Variants in HIPK3 observed in about 807,000 individuals in gnomAD.
The protein encoded by HIPK3 is homeodomain-interacting protein kinase 3.
In HIPK3, 47 loss-of-function variants were observed where a neutral mutation model predicts 124.2. The ratio of observed to expected loss-of-function variants is 0.38; its 90% CI spans 0.30 to 0.48. The LOEUF (loss-of-function observed/expected upper bound fraction) is 0.48, where lower values mean the gene tolerates loss of function less well. Ranked by LOEUF, HIPK3 falls within the 20% of genes least tolerant of loss-of-function variation. The pLI is 0.98. For synonymous variants in HIPK3, 482 were observed against 515.2 expected (o/e 0.94, Z 0.87); for missense variants, 1,286 against 1,454.3 (o/e 0.88, Z 1.88).
chr11:33,292,191 G>A (rs914725490), intron 2 of HIPK3, among the ~76,000 whole-genome samples: 3 of 152,120 alleles, frequency 2.0e-5, no homozygotes, highest in African/African-American at 7.2e-5. Context: ...AGACTGGGTG[G>A]CATTATTCTT....
At position 33,257,408 on chromosome 11, in the gene HIPK3, C is replaced by T. The variant is rs1211418748; in HGVS notation, c.-484C>T. The T allele has an allele frequency of 2.0e-6, 2 of 985,014 alleles. No individual in the cohort carries two copies. Among genetic ancestry groups the T allele is most frequent in the African/African-American group, 1.7e-5 (1 of 57,210 alleles). 61.0% of individuals were successfully genotyped at this position (985,014 alleles called of 1,614,324 possible). ...TGGCAGCTGCCTCAGTGACGACTGC[C>T]GGCATCGCGGCGACCTGAGGAGATC... On this transcript the variant is annotated 5_prime_UTR_variant, in exon 1 of 17. Transcript: ENST00000303296.
chr11:33,286,944 C>T lies in HIPK3; in HGVS notation c.530C>T (p.Thr177Ile), dbSNP rs1242841070. Residue 177 changes from threonine to isoleucine, a missense_variant, in exon 2 of 17, where the codon ACT (threonine) becomes ATT (isoleucine). By Grantham distance (89) the Thr-to-Ile change is moderately conservative (BLOSUM62 -1). Transcript: ENST00000303296. ...ACAGGATCAAAACAGAATTGTACCA[C>T]TGGAGAAGGTGACTATCAGTTAGTA... ...ATTGSKQNCT[T>I]GEGDYQLVQH... 5 of 1,614,196 alleles carry T rather than the reference C, an allele frequency of 3.1e-6. No individual in the cohort carries two copies. Among genetic ancestry groups the T allele is most frequent in the Non-Finnish European group, 4.2e-6 (5 of 1,180,012 alleles).
At chr11:33,260,355 A>G (rs997653718) in intron 1 of HIPK3, among the ~76,000 whole-genome samples, 13 of 152,188 alleles carry the variant, frequency 8.5e-5, no homozygotes, top group African/African-American at 3.1e-4. Context: ...TTTGTTTTTA[A>G]TATTTGATGC....
intron 2 of HIPK3, among the ~76,000 whole-genome samples, chr11:33,325,261 A>T (rs533912907): frequency 6.6e-6 from 1 of 152,332 alleles, no homozygotes; most frequent in Admixed American, 6.5e-5. Context: ...AGTCTCTTTA[A>T]GTGGTATATC....
At position 33,340,985 on chromosome 11, in the gene HIPK3, A is replaced by G; in HGVS notation, c.1631A>G (p.His544Arg). 5.6e-6 allele frequency: 9 copies of G among 1,595,190 alleles called. No homozygotes were observed. The highest frequency in any genetic ancestry group is 7.7e-6 in the Non-Finnish European group (9 of 1,165,234). ...TTTTACAGTGTAAAGTCCTGTTTTC[A>G]TATTATGGATATTTGTAAGTCCCAC... ...PHSNHVKSCF[H>R]IMDICKSHLN... Residue 544 changes from histidine to arginine, a missense_variant, in exon 7 of 17, where the codon CAT becomes CGT. Transcript: ENST00000303296.
chr11:33,304,414 G>T (rs549912203), intron 2 of HIPK3, among the ~76,000 whole-genome samples: 1 of 152,190 alleles, frequency 6.6e-6, no homozygotes, highest in African/African-American at 2.4e-5. Context: ...AAAATTAGCT[G>T]GGCTTGGTGG....
chr11:33,303,597 A>T (rs913506065), intron 2 of HIPK3, among the ~76,000 whole-genome samples: 20 of 152,204 alleles, frequency 1.3e-4, no homozygotes, highest in African/African-American at 4.8e-4. Flanking sequence ...ATGTAATGGT[A>T]TCATGGATTA....
chr11:33,308,987 TAAAA>T (rs2133939374), intron 2 of HIPK3, among the ~76,000 whole-genome samples: 1 of 151,986 alleles, frequency 6.6e-6, no homozygotes, highest in South Asian at 2.1e-4. Context: ...AATAATAAAA[TAAAA>T]AGGATGGATT....
chr11:33,312,619 CAG>C (rs1286419343), intron 2 of HIPK3, among the ~76,000 whole-genome samples: 1 of 152,138 alleles, frequency 6.6e-6, no homozygotes, highest in African/African-American at 2.4e-5. Flanking sequence ...GTCTTCTTAA[CAG>C]AGTTGATAAG....
At chr11:33,285,920 C>T (rs1288713096) in intron 1 of HIPK3, among the ~76,000 whole-genome samples, 1 of 152,032 alleles carries the variant, frequency 6.6e-6, no homozygotes, top group Non-Finnish European at 1.5e-5. Context: ...CACAGGCATG[C>T]ACCACCATCC....
chr11:33,276,229 C>CTT (rs144603146), intron 1 of HIPK3, among the ~76,000 whole-genome samples: 2,837 of 152,224 alleles, frequency 0.019, 64 homozygotes, highest in African/African-American at 0.063. Flanking sequence ...CCCTTTAACT[C>CTT]TAACTAATTG....
In HIPK3 at chr11:33,286,613, C is replaced by T. The variant is rs529358219; in HGVS notation, c.199C>T (p.Pro67Ser). The T allele has an allele frequency of 3.7e-6, 6 of 1,614,036 alleles. No homozygotes were observed. The Admixed American group carries it at 8.3e-5, about 22-fold the overall frequency. ...GGGTAGTGCTTTTCAGACAAAGATA[C>T]CATTTAATAGACCTCGAGGACACAA... ...TKGSAFQTKI[P>S]FNRPRGHNFS... is the part of the protein sequence containing the mutation. The change falls in exon 2 of 17, where the codon CCA (proline) becomes TCA (serine). Residue 67 changes from proline to serine, a missense_variant. Coordinates refer to ENST00000303296, the MANE Select transcript of HIPK3 (RefSeq NM_005734.5).
Position 33,268,429 on chromosome 11 carries a change from A to AT in HIPK3, c.-3+10541dup, listed in dbSNP as rs1450528871. Among the ~76,000 whole-genome samples the AT allele has an allele frequency of 2.0e-5, 3 of 151,720 alleles. No homozygotes were observed. In the East Asian group the frequency reaches 5.8e-4, roughly 29 times the overall value. On this transcript the variant is annotated intron_variant, in intron 1 of 16. Transcript: ENST00000303296. ...GGGTATATAGTGAGACTCCATCTCT[A>AT]TAAAAAATACAATTACCTGAGTGAG... is the stretch of plus-strand genomic sequence containing the variant.
chr11:33,304,092 C>G (rs138852410), intron 2 of HIPK3, among the ~76,000 whole-genome samples: 4,332 of 152,158 alleles, frequency 0.028, 194 homozygotes, highest in African/African-American at 0.099. Context: ...AGGCGTGCAC[C>G]AGCACGTCCA....
At chr11:33,261,126 T>C (rs956255002) in intron 1 of HIPK3, among the ~76,000 whole-genome samples, 1 of 78,306 alleles carries the variant, frequency 1.3e-5, no homozygotes, top group African/African-American at 3.9e-5. Flanking sequence ...AAAATATATA[T>C]TATATATAAA....
Position 33,257,809 on chromosome 11 carries a change from C to G in HIPK3, c.-83C>G, listed in dbSNP as rs939575983. 6.0e-5 allele frequency: 59 copies of G among 986,620 alleles called. No homozygotes were observed. The highest frequency in any genetic ancestry group is 7.0e-5 in the Non-Finnish European group (58 of 831,012). 61.1% of individuals were successfully genotyped at this position (986,620 alleles called of 1,614,324 possible). On this transcript the variant is annotated 5_prime_UTR_variant, in exon 1 of 17. Transcript: ENST00000303296. ...TGCTGAAGCGCCTGGCTCCCGGTCC[C>G]CGGCACGGCCCTGCGCCCCACCCCG...
rs373779481 is a variant in HIPK3 at position 33,335,358 on chromosome 11, A to T, written c.1222-1717A>T. Among the ~76,000 whole-genome samples the T allele has an allele frequency of 2.0e-5, 3 of 152,282 alleles. No homozygotes were observed. The South Asian group carries it at 6.2e-4, about 32-fold the overall frequency. The stretch of plus-strand genomic sequence containing the variant: ...AACAAACAGAGGAACAGAGTTAAAG[A>T]CTGTCAGGAAGTAGAAGAGACCCAG... On this transcript the variant is annotated intron_variant, in intron 3 of 16. Coordinates refer to ENST00000303296, the MANE Select transcript of HIPK3 (RefSeq NM_005734.5).
At chr11:33,295,967 A>G (rs1183412429) in intron 2 of HIPK3, among the ~76,000 whole-genome samples, 1 of 152,160 alleles carries the variant, frequency 6.6e-6, no homozygotes, top group Non-Finnish European at 1.5e-5. Context: ...TTCACTGACC[A>G]ATTTTAGCAT....
At chr11:33,258,469 G>T in intron 1 of HIPK3, 6 of 985,356 alleles carry the variant, frequency 6.1e-6, no homozygotes, top group Non-Finnish European at 7.2e-6. Flanking sequence ...GGACGTGCGT[G>T]CGTGTGTGTG....
Sources: allele counts gnomAD v4.1 joint callset (sites outside exome capture counted in the v4.1 genomes callset), GRCh38; gene constraint gnomAD v4.1.1; transcripts MANE v1.5; gene names NCBI Gene and HGNC (gene_info 2026-07-23, HGNC 2026-07-21).